The following WDR44 variants were observed in gnomAD, a reference collection of about 807,000 sequenced individuals.
WDR44 encodes WD repeat domain 44.
In WDR44, 9 loss-of-function variants were observed where a neutral mutation model predicts 65.7. That is an observed-to-expected ratio of 0.14 (90% CI 0.08 to 0.24). The LOEUF is 0.24. WDR44 is among the 10% of genes least tolerant of loss of function. WDR44 has a pLI of 1.00. For synonymous variants in WDR44, 220 were observed against 235.2 expected (o/e 0.94, Z 0.59); for missense variants, 425 against 670.9 (o/e 0.63, Z 4.05).
chrX:118,443,718 T>A lies in WDR44; in HGVS notation c.2512+31T>A, dbSNP rs1401982570. ...TACATACTTGCTTTTGTGTGTCTTA[T>A]AAGAGAATCAAGTTACAGTGGATAT... On this transcript the variant is annotated intron_variant, in intron 18 of 19. Coordinates refer to ENST00000254029, the MANE Select transcript of WDR44 (RefSeq NM_019045.5). The A allele has an allele frequency of 3.4e-6, 4 of 1,172,900 alleles. No individual in the cohort carries two copies. The African/African-American group carries it at 7.1e-5, about 21-fold the overall frequency.
chrX:118,389,358 G>C (rs769351380), intron 3 of WDR44, among the ~76,000 whole-genome samples: 1 of 111,898 alleles, frequency 8.9e-6, no homozygotes, highest in South Asian at 3.7e-4. Context: ...TTCTTGCTTG[G>C]GGGTAGGAAT....
At chrX:118,417,470 T>C in intron 12 of WDR44, among the ~76,000 whole-genome samples, 1 of 111,786 alleles carries the variant, frequency 8.9e-6, no homozygotes, top group East Asian at 2.8e-4. Flanking sequence ...ACAAAATTCT[T>C]AGTGATAATT....
intron 12 of WDR44, among the ~76,000 whole-genome samples, chrX:118,419,408 C>G (rs2057085212): frequency 8.9e-6 from 1 of 111,959 alleles, no homozygotes; most frequent in Admixed American, 9.5e-5. Flanking sequence ...TGACTCAGCT[C>G]CAGGTAAGGT....
chrX:118,374,544 T>C (rs1314558924), intron 1 of WDR44, among the ~76,000 whole-genome samples: 1 of 111,884 alleles, frequency 8.9e-6, no homozygotes, highest in Non-Finnish European at 1.9e-5. Flanking sequence ...TGAGTGTCTT[T>C]TGTTACTAGT....
At chrX:118,409,191 G>A (rs189326267) in intron 10 of WDR44, among the ~76,000 whole-genome samples, 13 of 110,932 alleles carry the variant, frequency 1.2e-4, no homozygotes, top group African/African-American at 2.0e-4. Context: ...GTGCAATGGC[G>A]CGGTCTTGAC....
intron 16 of WDR44, 98 bp from the exon 17 acceptor site, chrX:118,442,467 G>T: frequency 1.1e-6 from 1 of 941,949 alleles, no homozygotes; most frequent in South Asian, 2.2e-5. Context: ...CTAGTTTTGA[G>T]GTATATTAGT....
chrX:118,408,518 C>G (rs1278740202), intron 10 of WDR44, among the ~76,000 whole-genome samples: 2 of 110,745 alleles, frequency 1.8e-5, no homozygotes, highest in Non-Finnish European at 3.8e-5. Context: ...CCTCCTCAGC[C>G]TCCTGAGTAG....
In WDR44 at chrX:118,404,310, A is replaced by G. The variant is rs148096736; in HGVS notation, c.1275-28A>G. The G allele has an allele frequency of 5.8e-4, 628 of 1,082,771 alleles. 3 individuals carry two copies. In the African/African-American group the frequency reaches 0.01, roughly 17 times the overall value. 89.2% of individuals were successfully genotyped at this position (1,082,771 alleles called of 1,213,427 possible). A position where few individuals can be genotyped will look rare whatever the true frequency, so the allele number is the denominator to read the frequency against. On this transcript the variant is annotated intron_variant, in intron 8 of 19. Coordinates refer to ENST00000254029, the MANE Select transcript of WDR44 (RefSeq NM_019045.5). ...ATTATTGGACTTTTACAGTTAACTGAGTTGATACTTTTTTCATTTTTGTTA... is the reference window on the plus strand; with the variant it reads ...ATTATTGGACTTTTACAGTTAACTGGGTTGATACTTTTTTCATTTTTGTTA...
chrX:118,421,284 G>A (rs1426169577), intron 12 of WDR44, among the ~76,000 whole-genome samples: 1 of 111,938 alleles, frequency 8.9e-6, no homozygotes, highest in East Asian at 2.8e-4. Context: ...CCTACTTATA[G>A]ATCCTCAGCT....
At chrX:118,416,260 G>T (rs2057056260) in intron 12 of WDR44, among the ~76,000 whole-genome samples, 2 of 111,420 alleles carry the variant, frequency 1.8e-5, no homozygotes, top group Admixed American at 9.6e-5. Context: ...CTAGTTCCTT[G>T]AAGTGTGACC....
intron 7 of WDR44, among the ~76,000 whole-genome samples, chrX:118,398,110 G>A (rs1479417048): frequency 2.7e-5 from 3 of 111,351 alleles, no homozygotes; most frequent in South Asian, 3.8e-4. Context: ...GGTGGTGTGC[G>A]CCTATAGTCC....
intron 1 of WDR44, among the ~76,000 whole-genome samples, chrX:118,352,350 A>ATTTTTTTT (rs2056419703): frequency 2.0e-4 from 4 of 20,291 alleles, no homozygotes; most frequent in African/African-American, 8.2e-4. Context: ...ATATATATAT[A>ATTTTTTTT]TATTTTTTTT....
chrX:118,424,673 T>G, intron 12 of WDR44, among the ~76,000 whole-genome samples: 1 of 110,669 alleles, frequency 9.0e-6, no homozygotes, highest in Non-Finnish European at 1.9e-5. Context: ...GTTGGTTGTT[T>G]CTTTTGTTGT....
At chrX:118,424,198 C>T (rs1002021026) in intron 12 of WDR44, among the ~76,000 whole-genome samples, 1 of 105,623 alleles carries the variant, frequency 9.5e-6, no homozygotes, top group African/African-American at 3.5e-5. Flanking sequence ...AGTAGGTGCA[C>T]CAATTTACAT....
chrX:118,380,179 G>A (rs2056702048), intron 2 of WDR44, among the ~76,000 whole-genome samples: 1 of 111,398 alleles, frequency 9.0e-6, no homozygotes, highest in Non-Finnish European at 1.9e-5. Flanking sequence ...AATGCAGAAA[G>A]GTCCTGTATA....
intron 12 of WDR44, among the ~76,000 whole-genome samples, chrX:118,422,241 A>T (rs1296799675): frequency 9.1e-6 from 1 of 109,952 alleles, no homozygotes; most frequent in African/African-American, 3.3e-5. Context: ...TTAAAAAAAA[A>T]AAATATATAG....
intron 1 of WDR44, among the ~76,000 whole-genome samples, chrX:118,352,933 A>G (rs2056427438): frequency 8.9e-6 from 1 of 111,923 alleles, no homozygotes; most frequent in South Asian, 3.7e-4. Flanking sequence ...TGTTCACAGC[A>G]TGAATTAAAT....
At chrX:118,422,635 G>C (rs1045077654) in intron 12 of WDR44, among the ~76,000 whole-genome samples, 3 of 108,387 alleles carry the variant, frequency 2.8e-5, no homozygotes, top group Admixed American at 9.9e-5. Flanking sequence ...AGGTTGCAGT[G>C]AGCCAAGATC....
intron 1 of WDR44, among the ~76,000 whole-genome samples, chrX:118,367,057 G>T (rs1332007239): frequency 9.2e-6 from 1 of 108,778 alleles, no homozygotes. Context: ...CTGCACCCCA[G>T]CCTGGGCAAC....
Sources: allele counts gnomAD v4.1 joint callset (sites outside exome capture counted in the v4.1 genomes callset), GRCh38; gene constraint gnomAD v4.1.1; transcripts MANE v1.5; gene names NCBI Gene and HGNC (gene_info 2026-07-23, HGNC 2026-07-21).